RGS8: variants seen among roughly 807,000 people sequenced by gnomAD.
RGS8 encodes the protein regulator of G-protein signaling 8.
RGS8 carries 8 observed loss-of-function variants against 21.7 expected under a neutral mutation model. The observed-to-expected ratio is 0.37, with a 90% CI of 0.22 to 0.66. RGS8 has a LOEUF of 0.66. Ranked by LOEUF, RGS8 falls within the 30% of genes least tolerant of loss-of-function variation. RGS8 has a pLI of 0.59. For missense variants in RGS8, 157 were observed against 217.9 expected, an observed-to-expected ratio of 0.72 and a Z score of 1.76; for synonymous variants, 80 against 83.6, an observed-to-expected ratio of 0.96 and a Z score of 0.24.
chr1:182,703,576 T>C, the RGS8 span, among the ~76,000 whole-genome samples: 10 of 152,218 alleles, frequency 6.6e-5, no homozygotes, highest in Non-Finnish European at 1.5e-4. Flanking sequence ...CCTTCTACCT[T>C]CTACCTCTGT....
chr1:182,732,628 A>C, the RGS8 span, among the ~76,000 whole-genome samples: 1 of 152,220 alleles, frequency 6.6e-6, no homozygotes, highest in African/African-American at 2.4e-5. Context: ...AGGGGCAGAA[A>C]ACTTAAGTGT....
At chr1:182,692,326 A>G in the RGS8 span, among the ~76,000 whole-genome samples, 1 of 152,062 alleles carries the variant, frequency 6.6e-6, no homozygotes, top group East Asian at 1.9e-4. Context: ...CTATACACCA[A>G]TAATGTCCAA....
chr1:182,648,075 T>C, intron 6 of RGS8, 62 bp downstream of exon 7: 1 of 1,473,880 alleles, frequency 6.8e-7, no homozygotes, highest in East Asian at 2.3e-5. Flanking sequence ...AGATCCTCTC[T>C]GAGGAGAGAA....
intron 5 of RGS8, among the ~76,000 whole-genome samples, chr1:182,654,666 A>G (rs1663179637): frequency 1.3e-5 from 2 of 152,212 alleles, no homozygotes; most frequent in South Asian, 2.1e-4. Context: ...TAAGAGTGGG[A>G]AGGGTTTGGA....
chr1:182,674,207 G>A (rs189875368), upstream of RGS8, among the ~76,000 whole-genome samples: 116 of 152,322 alleles, frequency 7.6e-4, 1 homozygote, highest in African/African-American at 2.6e-3. Context: ...ACGGGGTAAA[G>A]GCCCCAAGGA....
At chr1:182,701,788 A>G in the RGS8 span, among the ~76,000 whole-genome samples, 1 of 152,172 alleles carries the variant, frequency 6.6e-6, no homozygotes, top group African/African-American at 2.4e-5. Context: ...CCCCTTCTTC[A>G]CTGCTGGGGT....
intron 5 of RGS8, among the ~76,000 whole-genome samples, chr1:182,655,685 A>T (rs1399205003): frequency 6.6e-6 from 1 of 152,160 alleles, no homozygotes; most frequent in Non-Finnish European, 1.5e-5. Context: ...CTGTAAACTA[A>T]GGGGGTTGGA....
intron 1 of RGS8, among the ~76,000 whole-genome samples, chr1:182,683,405 A>C (rs1571359506): frequency 1.3e-5 from 2 of 151,954 alleles, no homozygotes; most frequent in African/African-American, 2.4e-5. Context: ...TTCCAGGAAA[A>C]CTCTAAAGTT....
the RGS8 span, among the ~76,000 whole-genome samples, chr1:182,724,480 T>C: frequency 6.6e-6 from 1 of 151,982 alleles, no homozygotes; most frequent in Admixed American, 6.6e-5. Flanking sequence ...CAGTTCACTA[T>C]GCACAGAAAA....
At chr1:182,673,914 G>A (rs1250300239), upstream of RGS8, among the ~76,000 whole-genome samples, 1 of 152,214 alleles carries the variant, frequency 6.6e-6, no homozygotes, top group Non-Finnish European at 1.5e-5. Context: ...GTTAGTATGT[G>A]CCAGACACTA....
the RGS8 span, among the ~76,000 whole-genome samples, chr1:182,729,372 T>C: frequency 2.0e-5 from 3 of 152,212 alleles, no homozygotes; most frequent in Non-Finnish European, 4.4e-5. Context: ...TCTCTTTCAC[T>C]AGTGATGTTA....
chr1:182,715,645 T>C, the RGS8 span, among the ~76,000 whole-genome samples: 2 of 152,170 alleles, frequency 1.3e-5, no homozygotes, highest in Non-Finnish European at 2.9e-5. Context: ...CCAGATAATA[T>C]TGATGCTGCT....
chr1:182,726,025 A>C, the RGS8 span, among the ~76,000 whole-genome samples: 57 of 152,320 alleles, frequency 3.7e-4, no homozygotes, highest in Non-Finnish European at 5.9e-4. Flanking sequence ...TGCTATTAGC[A>C]CTGCTTAAAT....
intron 5 of RGS8, among the ~76,000 whole-genome samples, chr1:182,662,054 T>C (rs1011007765): frequency 3.9e-5 from 6 of 152,254 alleles, no homozygotes; most frequent in Non-Finnish European, 8.8e-5. Context: ...TGGACCTCCA[T>C]GGGTGCTTCT....
At chr1:182,732,267 T>TCACACA in the RGS8 span, among the ~76,000 whole-genome samples, 27,730 of 132,758 alleles carry the variant, frequency 0.21, 2,600 homozygotes, top group South Asian at 0.26. Context: ...TCGCTCTCTC[T>TCACACA]CTCATACACA....
At chr1:182,717,665 T>G in the RGS8 span, among the ~76,000 whole-genome samples, 1 of 152,170 alleles carries the variant, frequency 6.6e-6, no homozygotes, top group African/African-American at 2.4e-5. Flanking sequence ...TTCCCTCCCC[T>G]ATTGTGTTTT....
chr1:182,742,218 G>T, the RGS8 span, among the ~76,000 whole-genome samples: 1 of 150,130 alleles, frequency 6.7e-6, no homozygotes, highest in Non-Finnish European at 1.5e-5. Context: ...TCCTAGATGG[G>T]ATGGCGGCCG....
upstream of RGS8, among the ~76,000 whole-genome samples, chr1:182,686,572 A>G (rs1024075859): frequency 4.6e-5 from 7 of 152,218 alleles, no homozygotes; most frequent in Non-Finnish European, 1.0e-4. Context: ...GAATGACTCT[A>G]CAATCCATTT....
chr1:182,708,648 A>T, the RGS8 span, among the ~76,000 whole-genome samples: 2 of 152,220 alleles, frequency 1.3e-5, no homozygotes. Context: ...TGGCTTCCAG[A>T]CAGAGACCAC....
Sources: allele counts gnomAD v4.1 joint callset (sites outside exome capture counted in the v4.1 genomes callset), GRCh38; gene constraint gnomAD v4.1.1; transcripts MANE v1.5; gene names NCBI Gene and HGNC (gene_info 2026-07-23, HGNC 2026-07-21).